Variants in RUNX2 observed in about 807,000 individuals in gnomAD.
RUNX2 encodes RUNX family transcription factor 2.
Under a neutral mutation model 51.7 loss-of-function variants are expected in RUNX2, and 10 were observed. That is an observed-to-expected ratio of 0.19 (90% CI 0.12 to 0.33). RUNX2 has a LOEUF of 0.33. RUNX2 is among the 10% of genes least tolerant of loss of function. The probability of loss-of-function intolerance (pLI) is 1.00; values close to 1 mark genes in which losing one functional copy is unlikely to be tolerated. For missense variants in RUNX2, 562 were observed against 691.3 expected, an observed-to-expected ratio of 0.81 and a Z score of 2.10; for synonymous variants, 276 against 273.6, an observed-to-expected ratio of 1.01 and a Z score of -0.09.
intron 7 of RUNX2, among the ~76,000 whole-genome samples, chr6:45,520,420 C>T (rs779530298): frequency 2.0e-5 from 3 of 152,110 alleles, no homozygotes; most frequent in African/African-American, 4.8e-5. Context: ...AATTCAAATA[C>T]GGAACATACC....
At chr6:45,350,535 TCACAAA>T (rs1162093941) in intron 2 of RUNX2, among the ~76,000 whole-genome samples, 2 of 152,092 alleles carry the variant, frequency 1.3e-5, no homozygotes, top group Non-Finnish European at 2.9e-5. Context: ...CCAATAATAG[TCACAAA>T]CTTGCTGAGT....
chr6:45,527,400 C>T (rs1801703270), intron 7 of RUNX2, among the ~76,000 whole-genome samples: 2 of 152,076 alleles, frequency 1.3e-5, no homozygotes, highest in Non-Finnish European at 1.5e-5. Context: ...AGAATTGTAA[C>T]AGGGGTAGGG....
At chr6:45,454,384 G>A (rs1031022870) in intron 5 of RUNX2, among the ~76,000 whole-genome samples, 2 of 152,190 alleles carry the variant, frequency 1.3e-5, no homozygotes, top group African/African-American at 2.4e-5. Flanking sequence ...TGTAGCTTTC[G>A]TAGCATGAGA....
At chr6:45,398,683 T>A (rs1250396241) in intron 2 of RUNX2, among the ~76,000 whole-genome samples, 1 of 152,212 alleles carries the variant, frequency 6.6e-6, no homozygotes, top group Non-Finnish European at 1.5e-5. Flanking sequence ...AAAGAGCTCC[T>A]TTAACCTTCA....
At chr6:45,486,569 AAAC>A (rs1279534997) in intron 5 of RUNX2, among the ~76,000 whole-genome samples, 1 of 152,240 alleles carries the variant, frequency 6.6e-6, no homozygotes, top group African/African-American at 2.4e-5. Flanking sequence ...ATGAGCTGCC[AAAC>A]ATCATGCCCT....
At chr6:45,528,949 CA>C (rs1801759099) in intron 7 of RUNX2, among the ~76,000 whole-genome samples, 1 of 152,280 alleles carries the variant, frequency 6.6e-6, no homozygotes, top group African/African-American at 2.4e-5. Flanking sequence ...ATGTTCTAAG[CA>C]GAATCTCATA....
At chr6:45,413,426 A>G (rs1448077376) in intron 2 of RUNX2, among the ~76,000 whole-genome samples, 2 of 131,244 alleles carry the variant, frequency 1.5e-5, no homozygotes, top group East Asian at 4.4e-4. Context: ...TAAAAGATAC[A>G]TTCTTTTTTT....
At position 45,423,273 on chromosome 6, in the gene RUNX2, C is replaced by T. The variant is rs1321511455; in HGVS notation, c.423+316C>T. ...TCTCACTCACTCCTTCGCGCCGTCT[C>T]CCTTTCCCCCAGGATCCCCAAAGTA... is the stretch of plus-strand genomic sequence containing the variant. On this transcript the variant is annotated intron_variant, in intron 3 of 8. Coordinates refer to ENST00000647337, the MANE Select transcript of RUNX2 (RefSeq NM_001024630.4). Among the ~76,000 whole-genome samples the T allele has an allele frequency of 3.3e-5, 5 of 152,122 alleles. No homozygotes were observed. The East Asian group carries it at 7.8e-4, about 24-fold the overall frequency.
chr6:45,353,401 T>C (rs114089085), intron 2 of RUNX2, among the ~76,000 whole-genome samples: 3,093 of 152,046 alleles, frequency 0.02, 43 homozygotes, highest in Non-Finnish European at 0.032. Context: ...TTAAAACATA[T>C]TAAGAAGCTA....
chr6:45,466,261 C>T (rs373235554), intron 5 of RUNX2, among the ~76,000 whole-genome samples: 8 of 151,332 alleles, frequency 5.3e-5, no homozygotes, highest in Non-Finnish European at 1.2e-4. Flanking sequence ...TGCAGTGAGC[C>T]GAGATCCCGC....
intron 5 of RUNX2, among the ~76,000 whole-genome samples, chr6:45,446,633 G>A (rs60938436): frequency 0.016 from 2,455 of 151,650 alleles, 65 homozygotes; most frequent in African/African-American, 0.055. Flanking sequence ...CTAGACCAGT[G>A]AATAGGACAT....
chr6:45,428,760 A>G (rs1798453832), intron 3 of RUNX2, among the ~76,000 whole-genome samples: 2 of 152,100 alleles, frequency 1.3e-5, no homozygotes, highest in Admixed American at 6.5e-5. Context: ...AACTAAAAAA[A>G]AATTCATTAT....
rs536967628 is a variant in RUNX2, at chr6:45,471,425, G to A, written c.686-20516G>A. 6.3e-3 allele frequency among the ~76,000 whole-genome samples: 945 copies of A among 150,926 alleles called. 8 individuals are homozygous for A. The highest frequency in any genetic ancestry group is 0.021 in the African/African-American group (879 of 41,126). ...AACTCAAGTGGTACCTACATCCCTC[G>A]CCCCAGACATTTTCTTTCTTTCTTT... On this transcript the variant is annotated intron_variant, in intron 5 of 8. Transcript: ENST00000647337.
intron 7 of RUNX2, among the ~76,000 whole-genome samples, chr6:45,540,274 G>A (rs1234731214): frequency 1.3e-5 from 2 of 152,176 alleles, no homozygotes; most frequent in African/African-American, 4.8e-5. Context: ...TGAGTAAGGG[G>A]TAATACACTC....
chr6:45,455,428 G>T (rs1799292185), intron 5 of RUNX2, among the ~76,000 whole-genome samples: 1 of 152,124 alleles, frequency 6.6e-6, no homozygotes, highest in Non-Finnish European at 1.5e-5. Context: ...TTTTAGGAAA[G>T]AAAATCAGCT....
At chr6:45,364,438 G>T (rs748477929) in intron 2 of RUNX2, among the ~76,000 whole-genome samples, 1 of 152,092 alleles carries the variant, frequency 6.6e-6, no homozygotes, top group Non-Finnish European at 1.5e-5. Flanking sequence ...TCAACTACCT[G>T]TTAAGTCATG....
At chr6:45,538,695 G>A (rs1224338008) in intron 7 of RUNX2, among the ~76,000 whole-genome samples, 1 of 151,538 alleles carries the variant, frequency 6.6e-6, no homozygotes, top group African/African-American at 2.4e-5. Context: ...GCTAATCGGA[G>A]GAACGCAACC....
At chr6:45,449,466 C>G (rs956162848) in intron 5 of RUNX2, among the ~76,000 whole-genome samples, 6 of 152,180 alleles carry the variant, frequency 3.9e-5, no homozygotes, top group African/African-American at 1.4e-4. Context: ...CACCTGAGAA[C>G]TCATTTGTCC....
intron 5 of RUNX2, among the ~76,000 whole-genome samples, chr6:45,477,596 C>G (rs1174896865): frequency 1.3e-5 from 2 of 152,216 alleles, no homozygotes; most frequent in Non-Finnish European, 2.9e-5. Context: ...TTACTTCTGA[C>G]ATCTAATTAT....
Sources: gnomAD v4.1 joint callset for allele counts (sites outside exome capture counted in the v4.1 genomes callset) on GRCh38, gnomAD v4.1.1 for gene constraint, MANE v1.5 for transcripts, NCBI Gene and HGNC (gene_info 2026-07-23, HGNC 2026-07-21) for gene names.